Variants in ABLIM2 observed in about 807,000 individuals in gnomAD.
ABLIM2 encodes the protein actin binding LIM protein family member 2, also known as actin-binding LIM protein 2.
Under a neutral mutation model 97.7 loss-of-function variants are expected in ABLIM2, and 53 were observed. The ratio of observed to expected loss-of-function variants is 0.54; its 90% confidence interval spans 0.44 to 0.68. The LOEUF is 0.68. Ranked by LOEUF, ABLIM2 falls within the 30% of genes least tolerant of loss-of-function variation. The pLI, the probability that ABLIM2 is intolerant of heterozygous loss-of-function variation, is 0.00. For synonymous variants in ABLIM2, 361 were observed against 345.8 expected (o/e 1.04, Z -0.49); for missense variants, 835 against 867.2 (o/e 0.96, Z 0.47).
At chr4:8,111,926 CAAA>C (rs59261859) in intron 1 of ABLIM2, among the ~76,000 whole-genome samples, 7 of 121,272 alleles carry the variant, frequency 5.8e-5, no homozygotes, top group Admixed American at 1.8e-4. Context: ...GACTCTGTCT[CAAA>C]AAAAAAAAAA....
Position 8,130,967 on chromosome 4 carries a change from G to A in ABLIM2, c.11-24330C>T, listed in dbSNP as rs913416791. 1.3e-5 allele frequency among the ~76,000 whole-genome samples: 2 copies of A among 152,102 alleles called. No homozygotes were observed. Among genetic ancestry groups the A allele is most frequent in the East Asian group, 1.9e-4 (1 of 5,186 alleles). ...CTCTAGGGGAGGCTGCCGTTACCTC[G>A]CCCTGCTCTTGGGGCAGCCTGCATT... On this transcript the variant is annotated intron_variant, in intron 1 of 20. Transcript: ENST00000447017. The surrounding 1 kb of genome is among the most constrained non-coding windows in gnomAD (Gnocchi z 4.2).
chr4:7,983,744 T>TCC (rs138445010), intron 18 of ABLIM2, among the ~76,000 whole-genome samples, 190 bp from the exon 19 acceptor site: 2,186 of 152,138 alleles, frequency 0.014, 59 homozygotes, highest in African/African-American at 0.05. Flanking sequence ...CCTGAGGGCC[T>TCC]CCCCCGGGAA....
At chr4:8,080,913 G>C (rs866471878) in intron 4 of ABLIM2, 111 bp from the exon 5 acceptor site, 2 of 1,370,382 alleles carry the variant, frequency 1.5e-6, no homozygotes, top group Non-Finnish European at 2.0e-6. Context: ...GGAGGGGCGG[G>C]ACAGACCAGC....
intron 2 of ABLIM2, among the ~76,000 whole-genome samples, chr4:8,101,387 G>C (rs887364890): frequency 4.2e-4 from 64 of 152,226 alleles, no homozygotes; most frequent in African/African-American, 1.5e-3. Context: ...CCTGGGCCAG[G>C]GCCAAGGCCC....
At position 8,120,204 on chromosome 4, in the gene ABLIM2, G is replaced by A. The variant is rs1844716538; in HGVS notation, c.11-13567C>T. Among the ~76,000 whole-genome samples, 1 of 152,174 alleles carries A rather than the reference G, an allele frequency of 6.6e-6. No homozygotes were observed. The highest frequency in any genetic ancestry group is 1.5e-5 in the Non-Finnish European group (1 of 68,020). ...GAAGAGGACGTGGCAGGAAGCAAGA[G>A]CGGTGCCAGCGGGGAGCTCGAGCCA... is the stretch of plus-strand genomic sequence containing the variant. On this transcript the variant is annotated intron_variant, in intron 1 of 20. Coordinates refer to ENST00000447017, the MANE Select transcript of ABLIM2 (RefSeq NM_001130083.2). The surrounding 1 kb of genome is among the most constrained non-coding windows in gnomAD (Gnocchi z 5.6).
chr4:8,103,493 G>C (rs1050349032), intron 2 of ABLIM2, among the ~76,000 whole-genome samples: 2 of 152,222 alleles, frequency 1.3e-5, no homozygotes, highest in African/African-American at 4.8e-5. Context: ...GCCTGGCACA[G>C]GTGCCTGGCA....
chr4:8,118,411 C>T (rs975332517), intron 1 of ABLIM2, among the ~76,000 whole-genome samples: 5 of 152,200 alleles, frequency 3.3e-5, no homozygotes, highest in Non-Finnish European at 5.9e-5. Flanking sequence ...GTCCCTTTTC[C>T]CTCCAGCCCA....
At chr4:8,030,103 C>A (rs919158011) in intron 10 of ABLIM2, among the ~76,000 whole-genome samples, 1 of 152,180 alleles carries the variant, frequency 6.6e-6, no homozygotes, top group East Asian at 1.9e-4. Flanking sequence ...GCCTGACCCT[C>A]GCCAGCGCCC....
Position 8,082,328 on chromosome 4 carries a change from G to A in ABLIM2, c.455-1526C>T, listed in dbSNP as rs772814597. Among the ~76,000 whole-genome samples, 2 of 152,166 alleles carry A rather than the reference G, an allele frequency of 1.3e-5. No homozygotes were observed. Among genetic ancestry groups the A allele is most frequent in the African/African-American group, 2.4e-5 (1 of 41,426 alleles). On this transcript the variant is annotated intron_variant, in intron 4 of 20. Transcript: ENST00000447017. This position sits in a 1 kb window ranked among gnomAD's most constrained non-coding sequence, Gnocchi z 5.6. ...CTGCGGGAGCCCCCATTTCCTCATC[G>A]TGGGGTGGGGTGATCACCTCCTCAC... is the stretch of plus-strand genomic sequence containing the variant.
In ABLIM2 at chr4:8,068,270, G is replaced by C. The variant is rs985260527; in HGVS notation, c.676-7216C>G. Among the ~76,000 whole-genome samples the C allele has an allele frequency of 2.6e-5, 4 of 152,202 alleles. No homozygotes were observed. The highest frequency in any genetic ancestry group is 2.6e-4 in the Admixed American group (4 of 15,280). ...ATGAGCAACTGAAAGACTTTGCAGT[G>C]AGTGGTTTTAGGAAGACATCTTGTG... On this transcript the variant is annotated intron_variant, in intron 6 of 20. Coordinates refer to ENST00000447017, the MANE Select transcript of ABLIM2 (RefSeq NM_001130083.2). This position sits in a 1 kb window ranked among gnomAD's most constrained non-coding sequence, Gnocchi z 4.5.
At chr4:8,079,490 C>G (rs963853932) in intron 5 of ABLIM2, among the ~76,000 whole-genome samples, 4 of 152,162 alleles carry the variant, frequency 2.6e-5, no homozygotes, top group African/African-American at 9.7e-5. Flanking sequence ...GGCGGGGAAA[C>G]TCATGCACCG....
intron 20 of ABLIM2, among the ~76,000 whole-genome samples, chr4:7,967,502 C>T (rs1723841512): frequency 1.3e-5 from 2 of 152,204 alleles, no homozygotes; most frequent in Non-Finnish European, 1.5e-5. Context: ...AGCTGCCATC[C>T]GAGAGCAGGA....
At chr4:8,099,510 T>C (rs1833412162) in intron 2 of ABLIM2, among the ~76,000 whole-genome samples, 1 of 152,152 alleles carries the variant, frequency 6.6e-6, no homozygotes, top group Non-Finnish European at 1.5e-5. Flanking sequence ...GGTCAGATTC[T>C]AGCTGTCCTG....
In ABLIM2 at chr4:7,973,075, CTGTG is replaced by C. The variant is rs71175444; in HGVS notation, c.1825-5976_1825-5973del. 2.7e-3 allele frequency among the ~76,000 whole-genome samples: 330 copies of C among 124,042 alleles called. 2 individuals are homozygous for C. The highest frequency in any genetic ancestry group is 5.3e-3 in the African/African-American group (171 of 32,558). 81.4% of individuals were successfully genotyped at this position (124,042 alleles called of 152,430 possible). On this transcript the variant is annotated intron_variant, in intron 20 of 20. Transcript: ENST00000447017. ...CTCCAGCAATGAGCTGCTCCCCTTG[CTGTG>C]TGTGTGTGTGTGTGTGTGTGTGTGT...
rs1185517514 is a variant in ABLIM2 at position 8,068,879 on chromosome 4, C to G, written c.676-7825G>C. On this transcript the variant is annotated intron_variant, in intron 6 of 20. Coordinates refer to ENST00000447017, the MANE Select transcript of ABLIM2 (RefSeq NM_001130083.2). The surrounding 1 kb of genome is among the most constrained non-coding windows in gnomAD (Gnocchi z 4.5). ...AGACCTAATCACCATGATGCACAAACAAAATGAAATTTACAAAGAAACAAA... is the reference window on the plus strand; with the variant it reads ...AGACCTAATCACCATGATGCACAAAGAAAATGAAATTTACAAAGAAACAAA... 6.6e-6 allele frequency among the ~76,000 whole-genome samples: 1 copy of G among 152,258 alleles called. No individual in the cohort carries two copies. Among genetic ancestry groups the G allele is most frequent in the Non-Finnish European group, 1.5e-5 (1 of 68,046 alleles).
intron 5 of ABLIM2, among the ~76,000 whole-genome samples, chr4:8,079,812 G>A (rs867781526): frequency 2.4e-4 from 37 of 152,248 alleles, no homozygotes; most frequent in African/African-American, 7.5e-4. Flanking sequence ...ATCACAGGGC[G>A]TTTTTCATCC....
At chr4:7,984,629 G>A (rs1456484304) in intron 18 of ABLIM2, among the ~76,000 whole-genome samples, 1 of 152,238 alleles carries the variant, frequency 6.6e-6, no homozygotes, top group African/African-American at 2.4e-5. Flanking sequence ...GGGACAGAGG[G>A]AGCATCGCGG....
intron 15 of ABLIM2, among the ~76,000 whole-genome samples, chr4:8,008,764 C>A (rs1218169768): frequency 2.6e-5 from 4 of 152,312 alleles, no homozygotes; most frequent in African/African-American, 9.6e-5. Context: ...ATAATGGATG[C>A]CCCAGGGATG....
chr4:8,072,875 G>A lies in ABLIM2; in HGVS notation c.675+4753C>T, dbSNP rs919995127. On this transcript the variant is annotated intron_variant, in intron 6 of 20. Coordinates refer to ENST00000447017, the MANE Select transcript of ABLIM2 (RefSeq NM_001130083.2). The surrounding 1 kb of genome is among the most constrained non-coding windows in gnomAD (Gnocchi z 5.8). ...CAGGCCCTGCAAGGCCCCTGGGGAA[G>A]TAGGGAGGGGTCGGTAAGAGGAGGC... Among the ~76,000 whole-genome samples the A allele has an allele frequency of 1.3e-5, 2 of 152,198 alleles. No homozygotes were observed. Among genetic ancestry groups the A allele is most frequent in the African/African-American group, 4.8e-5 (2 of 41,464 alleles).
Sources: allele counts gnomAD v4.1 joint callset (sites outside exome capture counted in the v4.1 genomes callset), GRCh38; gene constraint gnomAD v4.1.1; non-coding constraint Gnocchi (gnomAD v3.1); transcripts MANE v1.5; gene names NCBI Gene and HGNC (gene_info 2026-07-23, HGNC 2026-07-21).